PCDHGA3: variants seen among roughly 807,000 people sequenced by gnomAD.
PCDHGA3 encodes protocadherin gamma-A3.
A neutral mutation model predicts 58.5 loss-of-function variants in PCDHGA3; 40 were observed. That is an observed-to-expected ratio of 0.68 (90% CI 0.53 to 0.89). The LOEUF (loss-of-function observed/expected upper bound fraction) is 0.89. Ranked by LOEUF, PCDHGA3 falls within the 40% of genes least tolerant of loss-of-function variation. The pLI is 0.00. For synonymous variants in PCDHGA3, 530 were observed against 525.7 expected, an observed-to-expected ratio of 1.01 and a Z score of -0.11; for missense variants, 1,223 against 1,195.9, an observed-to-expected ratio of 1.02 and a Z score of -0.33.
intron 1 of PCDHGA3, chr5:141,371,210 C>T: frequency 6.2e-7 from 1 of 1,614,010 alleles, no homozygotes; most frequent in Non-Finnish European, 8.5e-7. Flanking sequence ...TGGATGAGGG[C>T]ATCAATGCCG....
rs2099669219 is a variant in PCDHGA3, at chr5:141,487,927, C to T, written c.2425-6880C>T. 3 of 626,498 alleles carry T rather than the reference C, an allele frequency of 4.8e-6. No homozygotes were observed. Among genetic ancestry groups the T allele is most frequent in the Admixed American group, 5.9e-5 (2 of 34,100 alleles). The allele number at this position is 626,498 out of a possible 1,614,324, so 38.8% of individuals were successfully genotyped here. On this transcript the variant is annotated intron_variant, in intron 1 of 3. Coordinates refer to ENST00000253812, the MANE Select transcript of PCDHGA3 (RefSeq NM_018916.4). The surrounding 1 kb of genome is among the most constrained non-coding windows in gnomAD (Gnocchi z 5.0). ...TGGGAGCACAGGAGGCTACAGTGCA[C>T]AGGGTACAGTGCACCAGGCAGTCAC...
At chr5:141,383,850 G>T (rs893832219) in intron 1 of PCDHGA3, 2 of 1,613,808 alleles carry the variant, frequency 1.2e-6, no homozygotes, top group African/African-American at 2.7e-5. Context: ...TCTATGAAAT[G>T]GAGGTTCAGG....
chr5:141,415,406 T>G, intron 1 of PCDHGA3: 1 of 1,614,208 alleles, frequency 6.2e-7, no homozygotes. Flanking sequence ...GGCTCGCACT[T>G]TGTGGGCGTG....
At chr5:141,409,878 C>T in intron 1 of PCDHGA3, 4 of 1,612,952 alleles carry the variant, frequency 2.5e-6, no homozygotes, top group Middle Eastern at 1.6e-4. Flanking sequence ...AATGACAACG[C>T]ACCGCGGGTG....
At chr5:141,468,758 C>G (rs929005462) in intron 1 of PCDHGA3, among the ~76,000 whole-genome samples, 1 of 151,802 alleles carries the variant, frequency 6.6e-6, no homozygotes, top group Admixed American at 6.6e-5. Context: ...CCCAGCTACT[C>G]GGGAGGCTGA....
At position 141,362,450 on chromosome 5, in the gene PCDHGA3, CG is replaced by C. The variant is rs749881682; in HGVS notation, c.2424+15995del. 9 of 1,614,050 alleles carry C rather than the reference CG, an allele frequency of 5.6e-6. No homozygotes were observed. The African/African-American group carries it at 1.2e-4, about 22-fold the overall frequency. ...GAGTTCAATTTTCTGAACATAACCC[CG>C]GAATTGGTTCCCGCGCAAGATCTCG... On this transcript the variant is annotated intron_variant, in intron 1 of 3. Coordinates refer to ENST00000253812, the MANE Select transcript of PCDHGA3 (RefSeq NM_018916.4).
chr5:141,406,477 A>G (rs1233914824), intron 1 of PCDHGA3, among the ~76,000 whole-genome samples: 1 of 152,166 alleles, frequency 6.6e-6, no homozygotes, highest in Non-Finnish European at 1.5e-5. Flanking sequence ...TTGAGGTTAT[A>G]TTTTTCAGAT....
At chr5:141,415,176 C>A in intron 1 of PCDHGA3, 2 of 1,613,934 alleles carry the variant, frequency 1.2e-6, no homozygotes, top group Non-Finnish European at 1.7e-6. Context: ...TCACCGTGGC[C>A]GTGGCCGACA....
chr5:141,428,430 GA>G, intron 1 of PCDHGA3: 1 of 421,748 alleles, frequency 2.4e-6, no homozygotes. Flanking sequence ...TCTGTTCTAA[GA>G]CTAGACCAGG....
At position 141,486,114 on chromosome 5, in the gene PCDHGA3, A is replaced by G; in HGVS notation, c.2425-8693A>G. On this transcript the variant is annotated intron_variant, in intron 1 of 3. Coordinates refer to ENST00000253812, the MANE Select transcript of PCDHGA3 (RefSeq NM_018916.4). This position sits in a 1 kb window ranked among gnomAD's most constrained non-coding sequence, Gnocchi z 5.0. ...GGGCCCCTAGACTTTGAGAGTGAGAATTACTATGAATTTGATGTGCGGGCT... is the reference window on the plus strand; with the variant it reads ...GGGCCCCTAGACTTTGAGAGTGAGAGTTACTATGAATTTGATGTGCGGGCT... 3 of 1,614,082 alleles carry G rather than the reference A, an allele frequency of 1.9e-6. No individual in the cohort carries two copies. Among genetic ancestry groups the G allele is most frequent in the South Asian group, 2.2e-5 (2 of 91,072 alleles).
At chr5:141,350,166 A>G in intron 1 of PCDHGA3, 11 of 1,181,016 alleles carry the variant, frequency 9.3e-6, no homozygotes, top group East Asian at 2.7e-5. Context: ...CGCCTAACTA[A>G]TAAGTCCTAA....
At chr5:141,371,368 G>A in intron 1 of PCDHGA3, 1 of 1,613,970 alleles carries the variant, frequency 6.2e-7, no homozygotes, top group South Asian at 1.1e-5. Flanking sequence ...AAGGATGGTG[G>A]ACATCACACT....
At chr5:141,366,284 C>T in intron 1 of PCDHGA3, 1 of 1,613,714 alleles carries the variant, frequency 6.2e-7, no homozygotes, top group Non-Finnish European at 8.5e-7. Context: ...CCATGGCCAG[C>T]CCCCTCTGTC....
At chr5:141,418,147 C>A (rs781655205) in intron 1 of PCDHGA3, 3 of 1,614,040 alleles carry the variant, frequency 1.9e-6, no homozygotes, top group Non-Finnish European at 2.5e-6. Flanking sequence ...AGCAAATATG[C>A]AAAGAGAGAA....
intron 1 of PCDHGA3, chr5:141,384,943 G>A (rs777478209): frequency 5.6e-6 from 9 of 1,613,996 alleles, no homozygotes; most frequent in African/African-American, 2.7e-5. Context: ...TGAGCCCTCC[G>A]ACGGTCCTTA....
intron 1 of PCDHGA3, chr5:141,372,574 T>C: frequency 1.2e-6 from 2 of 1,614,012 alleles, no homozygotes; most frequent in South Asian, 1.1e-5. Flanking sequence ...GAGGGCTACT[T>C]TCAGCCTGGT....
chr5:141,429,169 T>TACACACACACACACAC (rs10667977), intron 1 of PCDHGA3: 2 of 145,394 alleles, frequency 1.4e-5, no homozygotes, highest in East Asian at 2.0e-4. Flanking sequence ...ACATTGTTTA[T>TACACACACACACACAC]ACACACACAC....
At chr5:141,399,466 G>A (rs1229342978) in intron 1 of PCDHGA3, 5 of 1,613,886 alleles carry the variant, frequency 3.1e-6, no homozygotes, top group East Asian at 4.5e-5. Context: ...TAACGCTCCG[G>A]TTTTCCACCA....
intron 1 of PCDHGA3, among the ~76,000 whole-genome samples, chr5:141,480,693 G>C (rs1488899685): frequency 2.6e-5 from 4 of 152,096 alleles, no homozygotes; most frequent in Non-Finnish European, 5.9e-5. Context: ...CTGAAACCCA[G>C]GCCACACCCC....
Sources: allele counts gnomAD v4.1 joint callset (sites outside exome capture counted in the v4.1 genomes callset), GRCh38; gene constraint gnomAD v4.1.1; non-coding constraint Gnocchi (gnomAD v3.1); transcripts MANE v1.5; gene names NCBI Gene and HGNC (gene_info 2026-07-23, HGNC 2026-07-21).